AMTN: variants seen among roughly 807,000 people sequenced by gnomAD.
The protein encoded by AMTN is amelotin.
Under a neutral mutation model 27.4 loss-of-function variants are expected in AMTN, and 29 were observed. The observed-to-expected ratio is 1.06, with a 90% CI of 0.79 to 1.44. The LOEUF is 1.44. Ranked by LOEUF, AMTN falls within the 40% of genes most tolerant of loss-of-function variation. AMTN has a pLI of 0.00. For synonymous variants in AMTN, 86 were observed against 95.7 expected, an observed-to-expected ratio of 0.90 and a Z score of 0.59; for missense variants, 247 against 248.8, an observed-to-expected ratio of 0.99 and a Z score of 0.05.
chr4:70,529,093 A>G, intron 6 of AMTN, 91 bp from the exon 7 acceptor site: 14 of 1,156,342 alleles, frequency 1.2e-5, no homozygotes, highest in Non-Finnish European at 1.7e-5. Flanking sequence ...AATCTTTGAA[A>G]GTATTTTAAG....
chr4:70,523,039 G>C (rs1298650732), intron 3 of AMTN, among the ~76,000 whole-genome samples: 1 of 152,162 alleles, frequency 6.6e-6, no homozygotes, highest in Non-Finnish European at 1.5e-5. Context: ...AATTTGAATA[G>C]GAAAAGTAAA....
intron 3 of AMTN, 117 bp downstream of exon 3, chr4:70,522,955 G>T: frequency 1.1e-6 from 1 of 872,416 alleles, no homozygotes; most frequent in Non-Finnish European, 1.8e-6. Context: ...TTTACATGAA[G>T]ACTGTACAAG....
At chr4:70,525,776 T>G (rs1736088674) in intron 5 of AMTN, among the ~76,000 whole-genome samples, 1 of 152,068 alleles carries the variant, frequency 6.6e-6, no homozygotes, top group Non-Finnish European at 1.5e-5. Context: ...GGGGCTCACC[T>G]ATAGTCCCAA....
rs201205218 is a variant in AMTN, at chr4:70,528,753, G to A, written c.325G>A (p.Ala109Thr). Residue 109 changes from alanine to threonine, a missense_variant, in exon 6 of 9, where the codon GCC (alanine) becomes ACC (threonine). Physicochemically the swap from Ala to Thr is moderately conservative, Grantham distance 58. Coordinates refer to ENST00000339336, the MANE Select transcript of AMTN (RefSeq NM_212557.4). ...ACCAATTTTTGTCACACAACTTGGA[G>A]CCCAGGTAAAAATTATGCTTAATAT... is the stretch of plus-strand genomic sequence containing the variant. The part of the protein sequence containing the change: ...VLPIFVTQLG[A>T]QGTILSSEEL... 5.2e-4 allele frequency: 836 copies of A among 1,594,638 alleles called. 7 individuals are homozygous for A. The South Asian group carries it at 6.1e-3, about 12-fold the overall frequency.
At chr4:70,524,180 A>G (rs1736044729) in intron 4 of AMTN, among the ~76,000 whole-genome samples, 1 of 152,090 alleles carries the variant, frequency 6.6e-6, no homozygotes, top group African/African-American at 2.4e-5. Context: ...AGTTTCTCTA[A>G]CCTCTTCTCC....
chr4:70,524,783 T>C (rs891518602), intron 4 of AMTN, 89 bp from the exon 5 acceptor site: 11 of 1,205,188 alleles, frequency 9.1e-6, no homozygotes, highest in African/African-American at 1.5e-5. Context: ...TTCCTTTAAA[T>C]ATATTTTACG....
Position 70,532,711 on chromosome 4 carries a change from G to T in AMTN, c.*246G>T. ...AAATATAACATTATGCTGCCTGGAT[G>T]ATATGCATATTAAAACATATTTGGA... On this transcript the variant is annotated 3_prime_UTR_variant, in exon 9 of 9. Coordinates refer to ENST00000339336, the MANE Select transcript of AMTN (RefSeq NM_212557.4). 2.4e-6 allele frequency: 1 copy of T among 412,186 alleles called. No individual in the cohort carries two copies. Among genetic ancestry groups the T allele is most frequent in the Non-Finnish European group, 4.3e-6 (1 of 232,266 alleles). 25.5% of individuals were successfully genotyped at this position (412,186 alleles called of 1,614,324 possible).
intron 2 of AMTN, among the ~76,000 whole-genome samples, chr4:70,521,996 C>T (rs918458774): frequency 6.6e-6 from 1 of 152,156 alleles, no homozygotes; most frequent in African/African-American, 2.4e-5. Context: ...CCTTAGATGA[C>T]TCAAGGGCTG....
intron 5 of AMTN, among the ~76,000 whole-genome samples, chr4:70,527,711 C>A (rs1045613420): frequency 6.6e-6 from 1 of 152,164 alleles, no homozygotes; most frequent in Non-Finnish European, 1.5e-5. Context: ...ACTTTCCTGA[C>A]ACTTTGAATT....
intron 4 of AMTN, 62 bp downstream of exon 4, chr4:70,523,995 C>A: frequency 7.2e-7 from 1 of 1,385,230 alleles, no homozygotes; most frequent in Non-Finnish European, 1.0e-6. Context: ...CCTAATATTA[C>A]AGTGGGGGGA....
rs141053762 is a variant in AMTN at position 70,527,277 on chromosome 4, GA to G, written c.295-1440del. Among the ~76,000 whole-genome samples, 1,104 of 152,166 alleles carry G rather than the reference GA, an allele frequency of 7.3e-3. 16 individuals carry two copies. The highest frequency in any genetic ancestry group is 0.025 in the African/African-American group (1,030 of 41,528). ...AAATAATTTCTCTACCGACAACTAA[GA>G]AAAAAGTCCTCTTTATTGTTATATT... On this transcript the variant is annotated intron_variant, in intron 5 of 8. Coordinates refer to ENST00000339336, the MANE Select transcript of AMTN (RefSeq NM_212557.4).
At position 70,532,723 on chromosome 4, in the gene AMTN, A is replaced by G. The variant is rs1005622927; in HGVS notation, c.*258A>G. 2.9e-5 allele frequency: 11 copies of G among 374,750 alleles called. No homozygotes were observed. The highest frequency in any genetic ancestry group is 4.6e-5 in the Admixed American group (1 of 21,798). 23.2% of individuals were successfully genotyped at this position (374,750 alleles called of 1,614,324 possible). On this transcript the variant is annotated 3_prime_UTR_variant, in exon 9 of 9. Coordinates refer to ENST00000339336, the MANE Select transcript of AMTN (RefSeq NM_212557.4). ...ATGCTGCCTGGATGATATGCATATT[A>G]AAACATATTTGGAAAACTGACTCTT...
Position 70,529,212 on chromosome 4 carries a change from TA to T in AMTN, c.357+10del, listed in dbSNP as rs750310662. The T allele has an allele frequency of 4.3e-5, 66 of 1,535,966 alleles. No individual in the cohort carries two copies. The highest frequency in any genetic ancestry group is 2.5e-4 in the Admixed American group (11 of 44,844). On this transcript the variant is annotated splice_donor_region_variant and intron_variant, in intron 7 of 8. Coordinates refer to ENST00000339336, the MANE Select transcript of AMTN (RefSeq NM_212557.4). ...ACTATCCTAAGCTCAGAGGAATTGGTAAAAAAAATAAAAATACTATTTCAAA... is the reference window on the plus strand; with the variant it reads ...ACTATCCTAAGCTCAGAGGAATTGGTAAAAAAATAAAAATACTATTTCAAA...
intron 7 of AMTN, among the ~76,000 whole-genome samples, chr4:70,529,619 T>C (rs1383001288): frequency 6.6e-6 from 1 of 152,156 alleles, no homozygotes; most frequent in African/African-American, 2.4e-5. Context: ...AAAATATATC[T>C]TTTTCCAGCG....
rs775102408 is a variant in AMTN at position 70,531,131 on chromosome 4, T to C, written c.450T>C (p.Asp150=). 6.2e-7 allele frequency: 1 copy of C among 1,613,986 alleles called. No individual in the cohort carries two copies. Among genetic ancestry groups the C allele is most frequent in the Non-Finnish European group, 8.5e-7 (1 of 1,180,010 alleles). Residue 150 remains aspartate (D), a synonymous_variant, in exon 8 of 9, where the codon GAT becomes GAC. Transcript: ENST00000339336. ...SQAGANPDVQ[D]GSLPAGGAGV... is the part of the protein sequence containing the mutation. ...CAGGGGCTAATCCAGATGTCCAGGATGGAAGCCTTCCAGCAGGAGGAGCAG... is the reference window on the plus strand; with the variant it reads ...CAGGGGCTAATCCAGATGTCCAGGACGGAAGCCTTCCAGCAGGAGGAGCAG...
chr4:70,521,453 A>C (rs1327142963), intron 2 of AMTN, among the ~76,000 whole-genome samples: 1 of 149,880 alleles, frequency 6.7e-6, no homozygotes, highest in Non-Finnish European at 1.5e-5. Context: ...CTGAGAAAAG[A>C]AGCAACAAGA....
chr4:70,518,733 T>C (rs1419397967), intron 1 of AMTN, 30 bp from the exon 2 acceptor site: 1 of 1,411,280 alleles, frequency 7.1e-7, no homozygotes, highest in Non-Finnish European at 9.9e-7. Flanking sequence ...AAAAAATACA[T>C]GGAAGAGTAA....
chr4:70,527,498 T>C (rs1309126066), intron 5 of AMTN, among the ~76,000 whole-genome samples: 1 of 152,210 alleles, frequency 6.6e-6, no homozygotes, highest in Non-Finnish European at 1.5e-5. Flanking sequence ...GTTCTTGTTT[T>C]GTTGTCCTTT....
At chr4:70,528,900 T>C (rs1217298638) in intron 6 of AMTN, 142 bp downstream of exon 6, 1 of 743,566 alleles carries the variant, frequency 1.3e-6, no homozygotes, top group Non-Finnish European at 2.1e-6. Context: ...AGAGCTTGCT[T>C]TCTGCATAAG....
Sources: gnomAD v4.1 joint callset for allele counts (sites outside exome capture counted in the v4.1 genomes callset) on GRCh38, gnomAD v4.1.1 for gene constraint, MANE v1.5 for transcripts, NCBI Gene and HGNC (gene_info 2026-07-23, HGNC 2026-07-21) for gene names.